The following CNOT6 variants were observed in gnomAD, a reference collection of about 807,000 sequenced individuals.
CNOT6 encodes CCR4-NOT transcription complex subunit 6.
A neutral mutation model predicts 61.2 loss-of-function variants in CNOT6; 12 were observed. That is an observed-to-expected ratio of 0.20 (90% CI 0.13 to 0.32). The LOEUF (loss-of-function observed/expected upper bound fraction) is 0.32. Among genes scored for constraint, CNOT6 ranks in the 10% least tolerant of loss-of-function variants. CNOT6 has a pLI of 1.00. For missense variants in CNOT6, 405 were observed against 663.9 expected (o/e 0.61, Z 4.28); for synonymous variants, 225 against 240.6 (o/e 0.94, Z 0.60).
intron 6 of CNOT6, 98 bp from the exon 7 acceptor site, chr5:180,565,722 A>G (rs1018378541): frequency 6.1e-6 from 7 of 1,151,110 alleles, no homozygotes; most frequent in African/African-American, 1.6e-5. Context: ...TTGAATGAAT[A>G]CGGTCAAACT....
At chr5:180,512,413 GA>G (rs1458772833) in intron 1 of CNOT6, among the ~76,000 whole-genome samples, 2 of 152,190 alleles carry the variant, frequency 1.3e-5, no homozygotes, top group Non-Finnish European at 2.9e-5. Flanking sequence ...GATATAGAAG[GA>G]AATATTGGGA....
At chr5:180,511,511 T>C (rs1757394989) in intron 1 of CNOT6, among the ~76,000 whole-genome samples, 1 of 151,986 alleles carries the variant, frequency 6.6e-6, no homozygotes, top group African/African-American at 2.4e-5. Context: ...CTCGGGAGGC[T>C]GAGACAGGAG....
At chr5:180,497,975 A>T (rs1434952392) in intron 1 of CNOT6, among the ~76,000 whole-genome samples, 1 of 151,828 alleles carries the variant, frequency 6.6e-6, no homozygotes, top group East Asian at 1.9e-4. Context: ...CCTGGGAGGC[A>T]GAGCCTGCAG....
chr5:180,538,790 C>CT (rs1205374971), intron 2 of CNOT6, among the ~76,000 whole-genome samples: 1 of 150,728 alleles, frequency 6.6e-6, no homozygotes, highest in Non-Finnish European at 1.5e-5. Context: ...GGGAGCATTA[C>CT]TTTACTTTAG....
At chr5:180,499,982 C>G (rs1475753846) in intron 1 of CNOT6, among the ~76,000 whole-genome samples, 1 of 152,146 alleles carries the variant, frequency 6.6e-6, no homozygotes, top group Non-Finnish European at 1.5e-5. Flanking sequence ...TTTCTCCCTT[C>G]ATCTAGTGTT....
rs1761064135 is a variant in CNOT6, at chr5:180,577,582, C to T, written c.*3382C>T. 6.6e-6 allele frequency: 1 copy of T among 152,624 alleles called. No individual in the cohort carries two copies. The highest frequency in any genetic ancestry group is 6.5e-5 in the Admixed American group (1 of 15,278). 9.5% of individuals were successfully genotyped at this position (152,624 alleles called of 1,614,324 possible). On this transcript the variant is annotated 3_prime_UTR_variant, in exon 12 of 12. Transcript: ENST00000261951. ...CGTAAACAGTATTTTAAGATGTTCACTTTGCTCTTCTTTTTGGTTACATAC... is the reference window on the plus strand; with the variant it reads ...CGTAAACAGTATTTTAAGATGTTCATTTTGCTCTTCTTTTTGGTTACATAC...
chr5:180,525,589 T>C (rs1758065129), intron 1 of CNOT6, among the ~76,000 whole-genome samples: 1 of 151,588 alleles, frequency 6.6e-6, no homozygotes, highest in Non-Finnish European at 1.5e-5. Context: ...GGAGGCAGCA[T>C]AGCATAATTA....
At chr5:180,535,765 CCCA>C (rs1758655362) in intron 2 of CNOT6, among the ~76,000 whole-genome samples, 1 of 152,154 alleles carries the variant, frequency 6.6e-6, no homozygotes, top group South Asian at 2.1e-4. Flanking sequence ...AATTTACATT[CCCA>C]CCAACAGTGT....
chr5:180,545,734 A>T lies in CNOT6; in HGVS notation c.113-4197A>T, dbSNP rs147447162. On this transcript the variant is annotated intron_variant, in intron 2 of 11. Transcript: ENST00000261951. The stretch of plus-strand genomic sequence containing the variant: ...TTTCCTAAAAAATGGAATTGATCAT[A>T]TGGTAAGTGTATGTTTAACTTTTTA... Among the ~76,000 whole-genome samples, 10 of 152,326 alleles carry T rather than the reference A, an allele frequency of 6.6e-5. No homozygotes were observed. The East Asian group carries it at 1.9e-3, about 29-fold the overall frequency.
chr5:180,568,117 C>A, intron 9 of CNOT6, 114 bp downstream of exon 9: 1 of 1,031,916 alleles, frequency 9.7e-7, no homozygotes, highest in Non-Finnish European at 1.3e-6. Context: ...CCTGAAGAAA[C>A]TCAGTGAGAA....
chr5:180,503,905 C>T (rs926099674), intron 1 of CNOT6, among the ~76,000 whole-genome samples: 7 of 152,048 alleles, frequency 4.6e-5, no homozygotes, highest in Admixed American at 2.0e-4. Flanking sequence ...GCGCCTGGCC[C>T]CTTTTTCTTC....
chr5:180,494,992 A>ACGG lies in CNOT6; in HGVS notation c.-3+244_-3+246dup, dbSNP rs559918120. 6.0e-3 allele frequency among the ~76,000 whole-genome samples: 881 copies of ACGG among 146,048 alleles called. 11 individuals are homozygous for ACGG. The highest frequency in any genetic ancestry group is 0.021 in the African/African-American group (832 of 39,612). On this transcript the variant is annotated intron_variant, in intron 1 of 11. Transcript: ENST00000261951. ...GTCCCTGGGAGGGGGGCGTTGATTG[A>ACGG]CGGCGGCGGCGGCGGCGCGCAGAGG...
At chr5:180,568,229 C>A (rs1225181400) in intron 9 of CNOT6, among the ~76,000 whole-genome samples, 2 of 80,146 alleles carry the variant, frequency 2.5e-5, no homozygotes, top group African/African-American at 6.4e-5. Context: ...CATTAAAAAA[C>A]CTTTTTTTTT....
chr5:180,500,342 G>T (rs570535784), intron 1 of CNOT6, among the ~76,000 whole-genome samples: 24 of 151,940 alleles, frequency 1.6e-4, no homozygotes, highest in Non-Finnish European at 3.2e-4. Flanking sequence ...ACACTCCTGG[G>T]CTCAAGCAGT....
chr5:180,494,713 C>A lies in CNOT6; in HGVS notation c.-53C>A. On this transcript the variant is annotated 5_prime_UTR_variant, in exon 1 of 12. Coordinates refer to ENST00000261951, the MANE Select transcript of CNOT6 (RefSeq NM_001370472.1). Reference sequence around the variant, plus strand: ...TCCACAGGGCAGACCCCGCTGCACTCACAGGGAGGAGGAGGCGGCAGCGGC... The same window carrying A: ...TCCACAGGGCAGACCCCGCTGCACTAACAGGGAGGAGGAGGCGGCAGCGGC... The A allele has an allele frequency of 6.6e-6, 1 of 151,820 alleles. No individual in the cohort carries two copies. The highest frequency in any genetic ancestry group is 1.9e-4 in the South Asian group (1 of 5,382). 9.4% of individuals were successfully genotyped at this position (151,820 alleles called of 1,614,324 possible). A position where few individuals can be genotyped will look rare whatever the true frequency, so the allele number is the denominator to read the frequency against.
At chr5:180,571,500 T>TCA (rs1760746935) in intron 11 of CNOT6, 68 bp downstream of exon 11, 3 of 1,128,904 alleles carry the variant, frequency 2.7e-6, no homozygotes, top group Non-Finnish European at 4.0e-6. Flanking sequence ...TACATCATTA[T>TCA]GTCTTTAAAA....
chr5:180,502,934 C>A (rs1756946081), intron 1 of CNOT6, among the ~76,000 whole-genome samples: 2 of 152,142 alleles, frequency 1.3e-5, no homozygotes, highest in African/African-American at 4.8e-5. Context: ...ATGTTTTAGA[C>A]CAGTAGTTTC....
chr5:180,547,091 C>G (rs1195627258), intron 2 of CNOT6, among the ~76,000 whole-genome samples: 1 of 152,136 alleles, frequency 6.6e-6, no homozygotes, highest in Non-Finnish European at 1.5e-5. Context: ...TGTCATTGTT[C>G]AGAAAGTTGC....
chr5:180,569,209 C>T lies in CNOT6; in HGVS notation c.1127C>T (p.Thr376Ile), dbSNP rs375570858. ...PEYSDVKLVQ[T>I]MMFLSEVKNI... ...TACTCTGATGTGAAGTTGGTACAAACTATGATGTTCCTCTCAGAAGTGAAG... is the reference window on the plus strand; with the variant it reads ...TACTCTGATGTGAAGTTGGTACAAATTATGATGTTCCTCTCAGAAGTGAAG... The change falls in exon 10 of 12, where the codon ACT (threonine) becomes ATT (isoleucine). Residue 376 changes from threonine (T) to isoleucine (I), a missense_variant. Transcript: ENST00000261951. 1 of 1,613,926 alleles carries T rather than the reference C, an allele frequency of 6.2e-7. No homozygotes were observed. The highest frequency in any genetic ancestry group is 1.3e-5 in the African/African-American group (1 of 74,918).
Sources: allele counts gnomAD v4.1 joint callset (sites outside exome capture counted in the v4.1 genomes callset), GRCh38; gene constraint gnomAD v4.1.1; transcripts MANE v1.5; gene names NCBI Gene and HGNC (gene_info 2026-07-23, HGNC 2026-07-21).